Variants in KDM7A observed in about 807,000 individuals in gnomAD.
The protein encoded by KDM7A is lysine-specific demethylase 7A.
KDM7A carries 28 observed loss-of-function variants against 114.8 expected under a neutral mutation model. That is an observed-to-expected ratio of 0.24 (90% CI 0.18 to 0.33). The LOEUF is 0.33. Among genes scored for constraint, KDM7A ranks in the 10% least tolerant of loss-of-function variants. KDM7A has a pLI of 1.00. For missense variants in KDM7A, 942 were observed against 1,142.5 expected (o/e 0.82, Z 2.53); for synonymous variants, 423 against 397.8 (o/e 1.06, Z -0.75).
chr7:140,115,020 G>A (rs1049317405), intron 9 of KDM7A, among the ~76,000 whole-genome samples: 10 of 150,766 alleles, frequency 6.6e-5, no homozygotes, highest in South Asian at 2.1e-4. Context: ...CCCGGCAGCC[G>A]CCCCGTCCAG....
intron 1 of KDM7A, among the ~76,000 whole-genome samples, chr7:140,143,761 T>C (rs1794311054): frequency 6.6e-6 from 1 of 152,172 alleles, no homozygotes; most frequent in South Asian, 2.1e-4. Context: ...CCAAAAGATG[T>C]CAACAAATAA....
At chr7:140,100,739 TATACATA>T (rs1818208912) in intron 12 of KDM7A, among the ~76,000 whole-genome samples, 2 of 50,210 alleles carry the variant, frequency 4.0e-5, no homozygotes, top group African/African-American at 1.5e-4. Flanking sequence ...TATATATATA[TATACATA>T]TATATTTTTT....
chr7:140,111,155 T>G lies in KDM7A; in HGVS notation c.1368A>C (p.Pro456=). 1 of 1,608,162 alleles carries G rather than the reference T, an allele frequency of 6.2e-7. No individual in the cohort carries two copies. Among genetic ancestry groups the G allele is most frequent in the South Asian group, 1.1e-5 (1 of 90,672 alleles). Residue 456 remains proline, a synonymous_variant, in exon 11 of 20, where the codon CCA becomes CCC. Transcript: ENST00000397560. ...ELVSEHAFEI[P]DNVRPGHLIK... ...TAAGGTGTCCAGGTCTAACATTGTC[T>G]GGAATTTCAAAGGCATGTTCAGATA...
intron 13 of KDM7A, among the ~76,000 whole-genome samples, chr7:140,099,405 C>A (rs964298070): frequency 6.6e-6 from 1 of 152,050 alleles, no homozygotes; most frequent in Non-Finnish European, 1.5e-5. Flanking sequence ...CTAAGTTGCC[C>A]AAGCTAGTTT....
At chr7:140,142,544 T>C (rs1168561592) in intron 1 of KDM7A, among the ~76,000 whole-genome samples, 1 of 152,036 alleles carries the variant, frequency 6.6e-6, no homozygotes, top group Non-Finnish European at 1.5e-5. Context: ...GGGGGAAATA[T>C]AAGTTAAAAG....
In KDM7A at chr7:140,103,831, T is replaced by G. The variant is rs368315738; in HGVS notation, c.1429-1671A>C. Among the ~76,000 whole-genome samples the G allele has an allele frequency of 1.9e-4, 29 of 152,352 alleles. No individual in the cohort carries two copies. In the East Asian group the frequency reaches 3.5e-3, roughly 18 times the overall value. On this transcript the variant is annotated intron_variant, in intron 11 of 19. Coordinates refer to ENST00000397560, the MANE Select transcript of KDM7A (RefSeq NM_030647.2). The stretch of plus-strand genomic sequence containing the variant: ...AATCCTTTGGGTATATACCCAGTAA[T>G]GGGATGGCTGGGTCAAATGGTATTT...
intron 18 of KDM7A, 32 bp downstream of exon 18, chr7:140,094,024 T>C (rs1282986530): frequency 8.0e-6 from 10 of 1,248,156 alleles, no homozygotes; most frequent in Non-Finnish European, 1.1e-5. Flanking sequence ...TCATTTTAAA[T>C]CTCCTTTTAA....
At chr7:140,164,046 T>C (rs919676028) in intron 1 of KDM7A, among the ~76,000 whole-genome samples, 2 of 152,154 alleles carry the variant, frequency 1.3e-5, no homozygotes, top group African/African-American at 4.8e-5. Flanking sequence ...AGACATTTTA[T>C]GCCTTCTGCT....
At position 140,096,590 on chromosome 7, in the gene KDM7A, C is replaced by A. The variant is rs1392724996; in HGVS notation, c.2339G>T (p.Arg780Met). ...SSCHGSNHEVRQLYRYDKPVE... is the reference protein window; with the variant it reads ...SSCHGSNHEVMQLYRYDKPVE... ...TGGTTTATCATAGCGATACAACTGC[C>A]TAACCTCATGGTTACTGCCATGGCA... Residue 780 changes from arginine (R) to methionine (M), a missense_variant, in exon 17 of 20, where the codon AGG becomes ATG. Transcript: ENST00000397560. 6.2e-7 allele frequency: 1 copy of A among 1,614,206 alleles called. No individual in the cohort carries two copies.
chr7:140,120,878 A>C (rs1350476833), intron 7 of KDM7A, among the ~76,000 whole-genome samples: 1 of 152,188 alleles, frequency 6.6e-6, no homozygotes, highest in Admixed American at 6.5e-5. Context: ...AAAGTGCTGA[A>C]ATTAAGGCGT....
intron 3 of KDM7A, among the ~76,000 whole-genome samples, chr7:140,130,769 C>T (rs986502225): frequency 6.6e-6 from 1 of 151,898 alleles, no homozygotes; most frequent in Admixed American, 6.6e-5. Context: ...CCCTGGTCCC[C>T]ACCCACTGAG....
intron 10 of KDM7A, among the ~76,000 whole-genome samples, chr7:140,112,022 G>C (rs1818442053): frequency 6.6e-6 from 1 of 151,714 alleles, no homozygotes; most frequent in Non-Finnish European, 1.5e-5. Context: ...GCCTTCAGTA[G>C]GAAACAAATT....
intron 10 of KDM7A, 31 bp from the exon 11 acceptor site, chr7:140,111,215 CAA>C (rs749560559): frequency 1.4e-6 from 2 of 1,423,078 alleles, no homozygotes; most frequent in Non-Finnish European, 2.0e-6. Context: ...ATAAGAAAAC[CAA>C]AGTTATTTAC....
At chr7:140,155,697 C>T (rs1227856778) in intron 1 of KDM7A, among the ~76,000 whole-genome samples, 4 of 152,174 alleles carry the variant, frequency 2.6e-5, no homozygotes, top group South Asian at 2.1e-4. Flanking sequence ...AAAACACCAT[C>T]GATAAATGGC....
At chr7:140,107,496 C>G (rs906768027) in intron 11 of KDM7A, among the ~76,000 whole-genome samples, 113 of 152,218 alleles carry the variant, frequency 7.4e-4, no homozygotes, top group African/African-American at 2.5e-3. Flanking sequence ...GCATTTGCTT[C>G]TCTGTAAAGG....
At chr7:140,125,172 A>C (rs1215359965) in intron 6 of KDM7A, among the ~76,000 whole-genome samples, 1 of 152,232 alleles carries the variant, frequency 6.6e-6, no homozygotes, top group Non-Finnish European at 1.5e-5. Flanking sequence ...TTATTTTTAA[A>C]AACCTATAAA....
chr7:140,122,758 G>C (rs537219239), intron 7 of KDM7A, among the ~76,000 whole-genome samples: 1 of 152,312 alleles, frequency 6.6e-6, no homozygotes, highest in South Asian at 2.1e-4. Flanking sequence ...TCCTTTCTTT[G>C]AGGGTCTCTC....
intron 1 of KDM7A, among the ~76,000 whole-genome samples, chr7:140,149,356 C>T (rs936542515): frequency 6.6e-6 from 1 of 152,148 alleles, no homozygotes; most frequent in African/African-American, 2.4e-5. Context: ...CTCTTTACTG[C>T]CTGACATCTT....
intron 7 of KDM7A, among the ~76,000 whole-genome samples, chr7:140,121,686 A>G (rs1818620001): frequency 6.6e-6 from 1 of 152,314 alleles, no homozygotes; most frequent in Middle Eastern, 3.4e-3. Context: ...TCCATACAAA[A>G]TGAAATTGTC....
Sources: allele counts gnomAD v4.1 joint callset (sites outside exome capture counted in the v4.1 genomes callset), GRCh38; gene constraint gnomAD v4.1.1; transcripts MANE v1.5; gene names NCBI Gene and HGNC (gene_info 2026-07-23, HGNC 2026-07-21).